CADM1: variants seen among roughly 807,000 people sequenced by gnomAD.
CADM1 encodes TSLC-1.
A neutral mutation model predicts 53.1 loss-of-function variants in CADM1; 15 were observed. That is an observed-to-expected ratio of 0.28 (90% CI 0.19 to 0.44). The LOEUF (loss-of-function observed/expected upper bound fraction) is 0.44, where lower values mean the gene tolerates loss of function less well. Ranked by LOEUF, CADM1 falls within the 20% of genes least tolerant of loss-of-function variation. The pLI, the probability that CADM1 is intolerant of heterozygous loss-of-function variation, is 1.00. For missense variants in CADM1, 434 were observed against 611.3 expected (o/e 0.71, Z 3.06); for synonymous variants, 281 against 243.0 (o/e 1.16, Z -1.45).
rs73581196 is a variant in CADM1, at chr11:115,470,764, T to C, written c.124+33507A>G. Among the ~76,000 whole-genome samples the C allele has an allele frequency of 2.4e-3, 373 of 152,336 alleles. 1 individual carries two copies. Among genetic ancestry groups the C allele is most frequent in the African/African-American group, 8.7e-3 (361 of 41,580 alleles). ...GCTACCATTTATAGAGCACCTAATGTAGGACAGGGATTGTACAAGGACATT... is the reference window on the plus strand; with the variant it reads ...GCTACCATTTATAGAGCACCTAATGCAGGACAGGGATTGTACAAGGACATT... On this transcript the variant is annotated intron_variant, in intron 1 of 11. Coordinates refer to ENST00000331581, the MANE Select transcript of CADM1 (RefSeq NM_001301043.2).
intron 1 of CADM1, among the ~76,000 whole-genome samples, chr11:115,270,559 C>A (rs1591658416): frequency 6.6e-6 from 1 of 151,806 alleles, no homozygotes; most frequent in Non-Finnish European, 1.5e-5. Flanking sequence ...GAAAGAGTGG[C>A]CTCTTTGAAG....
At chr11:115,400,473 G>A (rs1427478381) in intron 1 of CADM1, among the ~76,000 whole-genome samples, 1 of 149,938 alleles carries the variant, frequency 6.7e-6, no homozygotes, top group East Asian at 2.0e-4. Flanking sequence ...CAACTGGACA[G>A]CCAATGGAAA....
intron 1 of CADM1, among the ~76,000 whole-genome samples, chr11:115,337,682 T>C (rs1207653971): frequency 2.0e-5 from 3 of 152,142 alleles, no homozygotes; most frequent in African/African-American, 7.2e-5. Flanking sequence ...GCCCTCTTTG[T>C]ATTCCCCATG....
At chr11:115,465,132 C>T (rs897567462) in intron 1 of CADM1, among the ~76,000 whole-genome samples, 1 of 152,174 alleles carries the variant, frequency 6.6e-6, no homozygotes, top group African/African-American at 2.4e-5. Flanking sequence ...ATACAGACTC[C>T]TGCATCATAT....
At chr11:115,217,791 G>A in intron 6 of CADM1, 101 bp downstream of exon 6, 1 of 787,568 alleles carries the variant, frequency 1.3e-6, no homozygotes, top group Non-Finnish European at 2.3e-6. Flanking sequence ...ATCCTTTGCA[G>A]CAGGAGACAG....
At chr11:115,336,178 A>G (rs1054186970) in intron 1 of CADM1, among the ~76,000 whole-genome samples, 1 of 152,152 alleles carries the variant, frequency 6.6e-6, no homozygotes, top group Non-Finnish European at 1.5e-5. Context: ...TGTGGAGGTG[A>G]AGAATACAAT....
At chr11:115,426,360 T>C (rs1947892516) in intron 1 of CADM1, among the ~76,000 whole-genome samples, 1 of 152,094 alleles carries the variant, frequency 6.6e-6, no homozygotes, top group South Asian at 2.1e-4. Flanking sequence ...CACAGAGACT[T>C]TTGATTTCAG....
chr11:115,308,177 A>G (rs2105977), intron 1 of CADM1, among the ~76,000 whole-genome samples: 18,391 of 119,180 alleles, frequency 0.15, 1,260 homozygotes, highest in African/African-American at 0.24. Flanking sequence ...GTGTGTGTGT[A>G]TATCACTCAT....
intron 1 of CADM1, among the ~76,000 whole-genome samples, chr11:115,281,211 G>A (rs1451483475): frequency 6.6e-6 from 1 of 152,196 alleles, no homozygotes; most frequent in Non-Finnish European, 1.5e-5. Context: ...GACCATAGTT[G>A]TGTCAAGCTA....
chr11:115,258,205 C>T (rs925121722), intron 1 of CADM1, among the ~76,000 whole-genome samples: 2 of 152,086 alleles, frequency 1.3e-5, no homozygotes, highest in African/African-American at 2.4e-5. Flanking sequence ...TGACTTTATC[C>T]GAATGTTAAT....
intron 5 of CADM1, among the ~76,000 whole-genome samples, chr11:115,228,401 C>T (rs1466689440): frequency 6.6e-6 from 1 of 152,286 alleles, no homozygotes; most frequent in South Asian, 2.1e-4. Flanking sequence ...ACTCTGGTAA[C>T]ATTTCAGTAT....
At chr11:115,307,044 A>G (rs1315441468) in intron 1 of CADM1, among the ~76,000 whole-genome samples, 8 of 152,104 alleles carry the variant, frequency 5.3e-5, no homozygotes, top group Middle Eastern at 3.4e-3. Flanking sequence ...GAGAGCTGGC[A>G]TCATGCAATA....
chr11:115,296,679 T>C (rs1944087158), intron 1 of CADM1, among the ~76,000 whole-genome samples: 1 of 152,216 alleles, frequency 6.6e-6, no homozygotes, highest in Non-Finnish European at 1.5e-5. Flanking sequence ...TGCAGAACCA[T>C]GAACTACATA....
chr11:115,466,991 A>C (rs1948912038), intron 1 of CADM1, among the ~76,000 whole-genome samples: 1 of 152,178 alleles, frequency 6.6e-6, no homozygotes, highest in African/African-American at 2.4e-5. Context: ...AAAATTCTAT[A>C]ATTTAAATAT....
At chr11:115,234,896 A>G (rs1409598346) in intron 3 of CADM1, among the ~76,000 whole-genome samples, 1 of 87,090 alleles carries the variant, frequency 1.1e-5, no homozygotes, top group African/African-American at 6.7e-5. Flanking sequence ...CCGTCTCCAA[A>G]AAAAAAAAAA....
chr11:115,479,939 G>A (rs1044483754), intron 1 of CADM1, among the ~76,000 whole-genome samples: 11 of 152,164 alleles, frequency 7.2e-5, no homozygotes, highest in Non-Finnish European at 1.3e-4. Flanking sequence ...CAACAGGAGA[G>A]ATATGGAAAT....
chr11:115,418,187 A>G (rs1041227929), intron 1 of CADM1, among the ~76,000 whole-genome samples: 2 of 152,182 alleles, frequency 1.3e-5, no homozygotes, highest in Admixed American at 6.5e-5. Flanking sequence ...TGCAAAAGTC[A>G]CTTGTGGCTC....
At chr11:115,335,263 C>A (rs773618157) in intron 1 of CADM1, among the ~76,000 whole-genome samples, 4 of 152,042 alleles carry the variant, frequency 2.6e-5, no homozygotes, top group Non-Finnish European at 5.9e-5. Context: ...ATAAACCCAT[C>A]GCGTGTTAAC....
Position 115,498,900 on chromosome 11 carries a change from G to A in CADM1, c.124+5371C>T, listed in dbSNP as rs551091016. On this transcript the variant is annotated intron_variant, in intron 1 of 11. Coordinates refer to ENST00000331581, the MANE Select transcript of CADM1 (RefSeq NM_001301043.2). ...TCAGGATTTATTTAAAGTAATCTGA[G>A]GAAAGGAAGAAGCACAGAGGGGATA... Among the ~76,000 whole-genome samples the A allele has an allele frequency of 2.0e-5, 3 of 152,282 alleles. No individual in the cohort carries two copies. In the East Asian group the frequency reaches 5.8e-4, roughly 29 times the overall value.
Sources: allele counts gnomAD v4.1 joint callset (sites outside exome capture counted in the v4.1 genomes callset), GRCh38; gene constraint gnomAD v4.1.1; transcripts MANE v1.5; gene names NCBI Gene and HGNC (gene_info 2026-07-23, HGNC 2026-07-21).